The following TASOR2 variants were observed in gnomAD, a reference collection of about 807,000 sequenced individuals.
The protein encoded by TASOR2 is protein TASOR 2.
Under a neutral mutation model 199.5 loss-of-function variants are expected in TASOR2, and 84 were observed. The ratio of observed to expected loss-of-function variants is 0.42; its 90% CI spans 0.35 to 0.50. The LOEUF (loss-of-function observed/expected upper bound fraction) is 0.50, where lower values mean the gene tolerates loss of function less well. TASOR2 is among the 20% of genes least tolerant of loss of function. The pLI is 0.02. For missense variants in TASOR2, 2,796 were observed against 2,835.9 expected (o/e 0.99, Z 0.32); for synonymous variants, 1,103 against 1,046.6 (o/e 1.05, Z -1.04).
chr10:5,750,504 C>G lies in TASOR2; in HGVS notation c.6606+477C>G, dbSNP rs1837885448. On this transcript the variant is annotated intron_variant, in intron 15 of 20. Transcript: ENST00000328090. The surrounding 1 kb of genome is among the most constrained non-coding windows in gnomAD (Gnocchi z 5.4). ...TAAGTAATGGAACCATGGTGAAATT[C>G]TGGCATGGGCGGAGCCTGTCTTGAT... Among the ~76,000 whole-genome samples, 1 of 152,192 alleles carries G rather than the reference C, an allele frequency of 6.6e-6. No homozygotes were observed.
At chr10:5,729,593 T>C (rs774525024) in intron 10 of TASOR2, among the ~76,000 whole-genome samples, 4 of 152,248 alleles carry the variant, frequency 2.6e-5, no homozygotes, top group Non-Finnish European at 5.9e-5. Context: ...TTTACTGTTA[T>C]TTGTCCTTCA....
intron 6 of TASOR2, among the ~76,000 whole-genome samples, chr10:5,721,536 AT>A (rs879518013): frequency 4.3e-4 from 63 of 147,968 alleles, no homozygotes; most frequent in East Asian, 2.0e-3. Context: ...GTGAGGATTC[AT>A]TTTTTTTTTT....
rs976484989 is a variant in TASOR2 at position 5,752,059 on chromosome 10, TCCC to T, written c.6606+2033_6606+2035del. On this transcript the variant is annotated intron_variant, in intron 15 of 20. Coordinates refer to ENST00000328090, the Ensembl canonical transcript of TASOR2. This position sits in a 1 kb window ranked among gnomAD's most constrained non-coding sequence, Gnocchi z 4.4. ...CCTCACTGAGGCACTAATCCTGACC[TCCC>T]GAAACTCCCTGACCTGAGCGCGGGC... Among the ~76,000 whole-genome samples the T allele has an allele frequency of 3.3e-5, 5 of 151,406 alleles. No homozygotes were observed. Among genetic ancestry groups the T allele is most frequent in the African/African-American group, 9.7e-5 (4 of 41,188 alleles).
chr10:5,748,316 A>C lies in TASOR2; in HGVS notation c.4895A>C (p.Gln1632Pro), dbSNP rs201492867. The C allele has an allele frequency of 1.7e-4, 278 of 1,614,254 alleles. 1 individual carries two copies. The African/African-American group carries it at 3.3e-3, about 19-fold the overall frequency. ...AAAACAGATGAAGGCATTTATCTGC[A>C]GGTGAAGTCCTTGACAGCTGCCTCG... Residue 1632 changes from glutamine to proline, a missense_variant, in exon 15 of 21, where the codon CAG (glutamine) becomes CCG (proline). Gln to Pro is a moderately conservative substitution (Grantham distance 76). Transcript: ENST00000328090. This position sits in a 1 kb window ranked among gnomAD's most constrained non-coding sequence, Gnocchi z 5.1.
intron 1 of TASOR2, chr10:5,712,406 T>G: frequency 2.4e-6 from 3 of 1,231,646 alleles, no homozygotes; most frequent in Non-Finnish European, 3.0e-6. Context: ...TTTGAGACAG[T>G]GTCCTTGAGT....
At chr10:5,732,637 A>G (rs1170382012) in intron 11 of TASOR2, among the ~76,000 whole-genome samples, 3 of 152,196 alleles carry the variant, frequency 2.0e-5, no homozygotes, top group Admixed American at 2.0e-4. Flanking sequence ...AGCTCACTGC[A>G]GTCTCAAACT....
chr10:5,739,950 G>A (rs1247934672), exon 13 of TASOR2: 1 of 1,614,070 alleles, frequency 6.2e-7, no homozygotes, highest in Non-Finnish European at 8.5e-7. Flanking sequence ...TCAAAAAGGT[G>A]AATTACTACC....
rs1833223639 is a variant in TASOR2 at position 5,720,564 on chromosome 10, A to T, written c.-79A>T. 9 of 1,604,960 alleles carry T rather than the reference A, an allele frequency of 5.6e-6. No homozygotes were observed. In the South Asian group the frequency reaches 1.0e-4, roughly 18 times the overall value. On this transcript the variant is annotated 5_prime_UTR_variant, in exon 4 of 21. Coordinates refer to ENST00000328090, the Ensembl canonical transcript of TASOR2. This position sits in a 1 kb window ranked among gnomAD's most constrained non-coding sequence, Gnocchi z 5.3. ...TTCAGTATTACTTTTACGAACTTTC[A>T]GGCAACACCGTTATTGAACGACCCA...
chr10:5,747,633 T>A, exon 15 of TASOR2: 1 of 1,614,216 alleles, frequency 6.2e-7, no homozygotes, highest in Non-Finnish European at 8.5e-7. Flanking sequence ...CAGCGTCTAG[T>A]CCTGAACCTC....
Position 5,742,552 on chromosome 10 carries a change from T to G in TASOR2, c.2757+26T>G, listed in dbSNP as rs545910426. The G allele has an allele frequency of 1.3e-6, 2 of 1,565,158 alleles. No individual in the cohort carries two copies. The highest frequency in any genetic ancestry group is 8.6e-7 in the Non-Finnish European group (1 of 1,158,370). On this transcript the variant is annotated intron_variant, in intron 14 of 20. Transcript: ENST00000328090. The surrounding 1 kb of genome is among the most constrained non-coding windows in gnomAD (Gnocchi z 4.2). ...GTATGTAAAGCTGAATACCGTTAAA[T>G]GTTGGCATTATTTTTGAAGAAAAAA...
rs1020377298 is a variant in TASOR2 at position 5,712,312 on chromosome 10, T to G, written c.-287-511T>G. Reference sequence around the variant, plus strand: ...ATATAGGAAAGGAATAGGTGATGTTTTGAGTGATATTCAGTGTGTCTCCCT... The same window carrying G: ...ATATAGGAAAGGAATAGGTGATGTTGTGAGTGATATTCAGTGTGTCTCCCT... On this transcript the variant is annotated intron_variant, in intron 1 of 20. Coordinates refer to ENST00000328090, the Ensembl canonical transcript of TASOR2. 3.0e-6 allele frequency: 3 copies of G among 1,006,984 alleles called. No homozygotes were observed. In the African/African-American group the frequency reaches 5.0e-5, roughly 17 times the overall value. The allele number at this position is 1,006,984 out of a possible 1,614,324, so 62.4% of individuals were successfully genotyped here. A position where few individuals can be genotyped will look rare whatever the true frequency, so the allele number is the denominator to read the frequency against.
chr10:5,728,255 A>T (rs1242900667), intron 10 of TASOR2, among the ~76,000 whole-genome samples: 2 of 151,698 alleles, frequency 1.3e-5, no homozygotes, highest in East Asian at 3.9e-4. Flanking sequence ...TTGTTGTATA[A>T]TCACAATGTG....
chr10:5,718,590 A>C (rs553802321), intron 3 of TASOR2, among the ~76,000 whole-genome samples: 2 of 151,908 alleles, frequency 1.3e-5, no homozygotes, highest in Admixed American at 1.3e-4. Context: ...TCCACTTTTT[A>C]TACTAAAAGT....
rs1420902333 is a variant in TASOR2 at position 5,702,146 on chromosome 10, G to C, written c.-287-10677G>C. Among the ~76,000 whole-genome samples the C allele has an allele frequency of 3.9e-5, 6 of 152,106 alleles. No individual in the cohort carries two copies. In the East Asian group the frequency reaches 9.6e-4, roughly 24 times the overall value. On this transcript the variant is annotated intron_variant, in intron 1 of 20. Coordinates refer to ENST00000328090, the Ensembl canonical transcript of TASOR2. ...GATACGTTCCTTCCATACCCAGTTT[G>C]ATGAGGGTTTTTTAAAATCATAAAC...
chr10:5,700,814 GTT>G (rs769096586), intron 1 of TASOR2, among the ~76,000 whole-genome samples: 15 of 151,588 alleles, frequency 9.9e-5, no homozygotes, highest in African/African-American at 3.2e-4. Context: ...GTGTGTGTGT[GTT>G]TGCTTGCTTG....
chr10:5,732,778 T>C (rs979914547), intron 11 of TASOR2, among the ~76,000 whole-genome samples: 2 of 152,226 alleles, frequency 1.3e-5, no homozygotes, highest in Non-Finnish European at 2.9e-5. Flanking sequence ...TTTGAACTGA[T>C]GCTCCTGCCT....
chr10:5,757,984 G>A (rs1839211186), intron 17 of TASOR2, among the ~76,000 whole-genome samples: 1 of 152,100 alleles, frequency 6.6e-6, no homozygotes. Flanking sequence ...CACTTGCCAA[G>A]TCAGAGCAGC....
rs1326419148 is a variant in TASOR2, at chr10:5,737,282, GT to G, written c.1447+1743del. ...CGCCCAGCCAGGTTTGTTTTTTTTA[GT>G]TTTTTTGTTTTTTTTTTCAACTTAA... On this transcript the variant is annotated intron_variant, in intron 12 of 20. Coordinates refer to ENST00000328090, the Ensembl canonical transcript of TASOR2. The surrounding 1 kb of genome is among the most constrained non-coding windows in gnomAD (Gnocchi z 4.9). 6.6e-6 allele frequency among the ~76,000 whole-genome samples: 1 copy of G among 150,658 alleles called. No homozygotes were observed. Among genetic ancestry groups the G allele is most frequent in the Admixed American group, 6.6e-5 (1 of 15,162 alleles).
Position 5,720,649 on chromosome 10 carries a change from C to G in TASOR2, c.7C>G (p.Pro3Ala). Residue 3 changes from proline (P) to alanine (A), a missense_variant, in exon 4 of 21, where the codon CCA (proline) becomes GCA (alanine). Transcript: ENST00000328090. The surrounding 1 kb of genome is among the most constrained non-coding windows in gnomAD (Gnocchi z 5.3). ...ATACAGGGAATCTAAAACTATGGCA[C>G]CACCAGCTCATAAAAGCATGTAAGT... is the stretch of plus-strand genomic sequence containing the variant. 1 of 1,614,040 alleles carries G rather than the reference C, an allele frequency of 6.2e-7. No homozygotes were observed. The highest frequency in any genetic ancestry group is 8.5e-7 in the Non-Finnish European group (1 of 1,179,992).
Sources: allele counts gnomAD v4.1 joint callset (sites outside exome capture counted in the v4.1 genomes callset), GRCh38; gene constraint gnomAD v4.1.1; non-coding constraint Gnocchi (gnomAD v3.1); transcripts MANE v1.5; gene names NCBI Gene and HGNC (gene_info 2026-07-23, HGNC 2026-07-21).